The following EHD3 variants were observed in gnomAD, a reference collection of about 807,000 sequenced individuals.
EHD3 encodes the protein EH domain-containing protein 3.
A neutral mutation model predicts 43.0 loss-of-function variants in EHD3; 17 were observed. The observed-to-expected ratio is 0.40, with a 90% CI of 0.27 to 0.59. The LOEUF (loss-of-function observed/expected upper bound fraction) is 0.59, where lower values mean the gene tolerates loss of function less well. EHD3 is among the 20% of genes least tolerant of loss of function. The probability of loss-of-function intolerance (pLI) is 0.49; values close to 1 mark genes in which losing one functional copy is unlikely to be tolerated. For synonymous variants in EHD3, 313 were observed against 289.5 expected, an observed-to-expected ratio of 1.08 and a Z score of -0.82; for missense variants, 594 against 705.6, an observed-to-expected ratio of 0.84 and a Z score of 1.79.
chr2:31,253,601 A>C (rs1683682681), intron 3 of EHD3, among the ~76,000 whole-genome samples: 1 of 152,182 alleles, frequency 6.6e-6, no homozygotes, highest in Non-Finnish European at 1.5e-5. Flanking sequence ...CTGTTCTGCA[A>C]AGTGAGCTGC....
At chr2:31,257,871 A>G (rs2148722194) in intron 3 of EHD3, among the ~76,000 whole-genome samples, 1 of 152,234 alleles carries the variant, frequency 6.6e-6, no homozygotes, top group South Asian at 2.1e-4. Context: ...AGAAGGCAAA[A>G]TCTAGTTCAC....
At chr2:31,250,118 G>A (rs1214897429) in intron 3 of EHD3, among the ~76,000 whole-genome samples, 8 of 150,028 alleles carry the variant, frequency 5.3e-5, no homozygotes, top group Admixed American at 2.7e-4. Context: ...CGGTGGGGGC[G>A]GGTGGGGTGG....
At chr2:31,245,187 T>A (rs1683494193) in intron 2 of EHD3, among the ~76,000 whole-genome samples, 1 of 152,104 alleles carries the variant, frequency 6.6e-6, no homozygotes, top group South Asian at 2.1e-4. Flanking sequence ...GTTTTTAGAG[T>A]AGAGGTAATG....
intron 1 of EHD3, among the ~76,000 whole-genome samples, chr2:31,235,899 C>T (rs912753970): frequency 6.6e-6 from 1 of 152,220 alleles, no homozygotes; most frequent in African/African-American, 2.4e-5. Context: ...GTTGAGAATG[C>T]TGTGGCCCTC....
At position 31,260,887 on chromosome 2, in the gene EHD3, C is replaced by T; in HGVS notation, c.880C>T (p.Leu294Phe). The T allele has an allele frequency of 1.2e-6, 2 of 1,612,782 alleles. No homozygotes were observed. The highest frequency in any genetic ancestry group is 8.5e-7 in the Non-Finnish European group (1 of 1,179,316). The change falls in exon 4 of 6, where the codon CTC (leucine) becomes TTC (phenylalanine). Residue 294 changes from leucine (L) to phenylalanine (F), a missense_variant. Physicochemically the swap from Leu to Phe is conservative, Grantham distance 22. Transcript: ENST00000322054. This position sits in a 1 kb window ranked among gnomAD's most constrained non-coding sequence, Gnocchi z 4.6. The part of the protein sequence containing the change: ...SLPRNAALRK[L>F]NDLIKRARLA... Reference sequence around the variant, plus strand: ...GCCCCGAAATGCTGCCCTGCGCAAGCTCAACGACCTCATCAAAAGGGCCAG... The same window carrying T: ...GCCCCGAAATGCTGCCCTGCGCAAGTTCAACGACCTCATCAAAAGGGCCAG...
In EHD3 at chr2:31,268,114, AG is replaced by A. The variant is rs1297375712; in HGVS notation, c.*1411del. 6.6e-6 allele frequency: 1 copy of A among 152,640 alleles called. No homozygotes were observed. The highest frequency in any genetic ancestry group is 1.5e-5 in the Non-Finnish European group (1 of 68,050). 9.5% of individuals were successfully genotyped at this position (152,640 alleles called of 1,614,324 possible). A position where few individuals can be genotyped will look rare whatever the true frequency, so the allele number is the denominator to read the frequency against. On this transcript the variant is annotated 3_prime_UTR_variant, in exon 6 of 6. Coordinates refer to ENST00000322054, the MANE Select transcript of EHD3 (RefSeq NM_014600.3). Reference sequence around the variant, plus strand: ...TGAGAGGTTTGGGGCCTTGTTCCCCAGAGGGTCCCCAGGGACTCTGCAGTGT... The same window carrying A: ...TGAGAGGTTTGGGGCCTTGTTCCCCAAGGGTCCCCAGGGACTCTGCAGTGT...
chr2:31,251,070 G>C (rs1683625280), intron 3 of EHD3, among the ~76,000 whole-genome samples: 1 of 152,226 alleles, frequency 6.6e-6, no homozygotes, highest in Admixed American at 6.5e-5. Flanking sequence ...CAGCCTCATG[G>C]TGTGACAGGC....
intron 3 of EHD3, among the ~76,000 whole-genome samples, chr2:31,253,919 A>ACTTCT (rs1683689380): frequency 2.6e-5 from 4 of 152,120 alleles, no homozygotes; most frequent in Non-Finnish European, 4.4e-5. Flanking sequence ...ATGCAGCAGG[A>ACTTCT]GTGGGAGGGC....
intron 3 of EHD3, 122 bp downstream of exon 3, chr2:31,249,590 C>T: frequency 2.3e-6 from 2 of 869,950 alleles, no homozygotes; most frequent in Non-Finnish European, 3.6e-6. Flanking sequence ...GGCACTTCTC[C>T]TGTGCTGTGT....
chr2:31,264,237 C>T (rs963879136), intron 5 of EHD3, among the ~76,000 whole-genome samples: 1 of 152,122 alleles, frequency 6.6e-6, no homozygotes, highest in African/African-American at 2.4e-5. Flanking sequence ...AGGCTGTAGG[C>T]AATTGTAACA....
intron 2 of EHD3, among the ~76,000 whole-genome samples, chr2:31,246,759 G>T (rs1203281882): frequency 6.6e-6 from 1 of 152,056 alleles, no homozygotes; most frequent in African/African-American, 2.4e-5. Context: ...TTTACTTTGA[G>T]TAAAGACACC....
At position 31,234,439 on chromosome 2, in the gene EHD3, G is replaced by C; in HGVS notation, c.-183G>C. On this transcript the variant is annotated 5_prime_UTR_variant, in exon 1 of 6. Coordinates refer to ENST00000322054, the MANE Select transcript of EHD3 (RefSeq NM_014600.3). ...GCAGCAGCGGCTGGGCTTGGTCCCA[G>C]GAGCAGGGAGAGTGCGCTCCCGGCC... is the stretch of plus-strand genomic sequence containing the variant. 1 of 630,266 alleles carries C rather than the reference G, an allele frequency of 1.6e-6. No homozygotes were observed. The highest frequency in any genetic ancestry group is 2.7e-6 in the Non-Finnish European group (1 of 366,912). 39.0% of individuals were successfully genotyped at this position (630,266 alleles called of 1,614,324 possible).
chr2:31,242,982 A>G (rs1008864153), intron 1 of EHD3, among the ~76,000 whole-genome samples: 8 of 151,958 alleles, frequency 5.3e-5, no homozygotes, highest in Admixed American at 3.3e-4. Context: ...AAATAAATAA[A>G]TAAATAAAAT....
In EHD3 at chr2:31,244,455, G is replaced by T. The variant is rs1157170265; in HGVS notation, c.404+5G>T. On this transcript the variant is annotated splice_donor_5th_base_variant and intron_variant, in intron 2 of 5. Coordinates refer to ENST00000322054, the MANE Select transcript of EHD3 (RefSeq NM_014600.3). ...TGGCAACGCCTTCTTGAACAGGTGA[G>T]TGTGGAGGGAACACAACACTTTCAG... The T allele has an allele frequency of 5.6e-6, 9 of 1,613,130 alleles. No individual in the cohort carries two copies. The Admixed American group carries it at 1.5e-4, about 27-fold the overall frequency.
chr2:31,238,362 T>C (rs560251401), intron 1 of EHD3, among the ~76,000 whole-genome samples: 3 of 152,366 alleles, frequency 2.0e-5, no homozygotes, highest in African/African-American at 7.2e-5. Flanking sequence ...GTTTTGCCCC[T>C]GAGGGTCCAT....
rs766957331 is a variant in EHD3 at position 31,266,685 on chromosome 2, A to G, written c.1589A>G (p.Lys530Arg). ...CCTGCCCACCTCCTGCCCCCGTCCA[A>G]GAGGAAAGTTGCCGAGTGATGGGGT... ...ELPAHLLPPS[K>R]RKVAE The change falls in exon 6 of 6, where the codon AAG (lysine) becomes AGG (arginine). Residue 530 changes from lysine (K) to arginine (R), a missense_variant. Physicochemically the swap from Lys to Arg is conservative, Grantham distance 26 (BLOSUM62 2). Transcript: ENST00000322054. The surrounding 1 kb of genome is among the most constrained non-coding windows in gnomAD (Gnocchi z 5.1). 1.2e-5 allele frequency: 19 copies of G among 1,606,354 alleles called. No individual in the cohort carries two copies. The highest frequency in any genetic ancestry group is 6.7e-5 in the Admixed American group (4 of 59,842).
intron 3 of EHD3, among the ~76,000 whole-genome samples, chr2:31,259,884 C>T (rs1683817560): frequency 1.3e-5 from 2 of 152,118 alleles, no homozygotes; most frequent in Non-Finnish European, 2.9e-5. Flanking sequence ...GAAATAATGA[C>T]GTTAATAAGA....
intron 2 of EHD3, among the ~76,000 whole-genome samples, chr2:31,245,735 G>GGT (rs1553402744): frequency 1.1e-3 from 76 of 68,320 alleles, no homozygotes; most frequent in African/African-American, 3.9e-3. Flanking sequence ...CTAATTTTGT[G>GGT]TTTTTTTTTT....
chr2:31,254,542 T>G (rs1683707840), intron 3 of EHD3, among the ~76,000 whole-genome samples: 1 of 152,250 alleles, frequency 6.6e-6, no homozygotes, highest in Non-Finnish European at 1.5e-5. Context: ...TCTTCCCCGT[T>G]GTCAGCCAAA....
Sources: gnomAD v4.1 joint callset for allele counts (sites outside exome capture counted in the v4.1 genomes callset) on GRCh38, gnomAD v4.1.1 for gene constraint, Gnocchi (gnomAD v3.1) non-coding constraint, MANE v1.5 for transcripts, NCBI Gene and HGNC (gene_info 2026-07-23, HGNC 2026-07-21) for gene names.